PTBP3: variants seen among roughly 807,000 people sequenced by gnomAD.
PTBP3 encodes the protein polypyrimidine tract-binding protein 3.
Under a neutral mutation model 58.7 loss-of-function variants are expected in PTBP3, and 20 were observed. That is an observed-to-expected ratio of 0.34 (90% CI 0.24 to 0.50). The LOEUF is 0.50. Among genes scored for constraint, PTBP3 ranks in the 20% least tolerant of loss-of-function variants. The pLI is 0.98. For synonymous variants in PTBP3, 185 were observed against 219.8 expected (o/e 0.84, Z 1.40); for missense variants, 509 against 637.2 (o/e 0.80, Z 2.17).
chr9:112,232,553 A>G (rs1835286728), intron 8 of PTBP3, among the ~76,000 whole-genome samples: 2 of 152,156 alleles, frequency 1.3e-5, no homozygotes, highest in Non-Finnish European at 2.9e-5. Context: ...GTTTCTTACA[A>G]TAGATATATC....
chr9:112,228,402 C>T lies in PTBP3; in HGVS notation c.1125G>A (p.Ala375=), dbSNP rs149955115. The T allele has an allele frequency of 2.4e-5, 38 of 1,605,710 alleles. No homozygotes were observed. Among genetic ancestry groups the T allele is most frequent in the Middle Eastern group, 1.7e-4 (1 of 6,010 alleles). Residue 375 remains alanine, a synonymous_variant, in exon 11 of 14, where the codon GCG becomes GCA. Transcript: ENST00000374257. ...TACCTAGCTGAGCTTGATTTGCATC[C>T]GCCATCTGAACCAAGGCATTTTCTT... ...NKKENALVQM[A]DANQAQLAMN...
chr9:112,241,451 C>T (rs1835657607), intron 7 of PTBP3, among the ~76,000 whole-genome samples: 1 of 152,142 alleles, frequency 6.6e-6, no homozygotes, highest in African/African-American at 2.4e-5. Flanking sequence ...TACTTCCAGT[C>T]CTGCAACCTC....
chr9:112,301,178 C>T (rs1465910964), intron 1 of PTBP3, among the ~76,000 whole-genome samples: 4 of 151,874 alleles, frequency 2.6e-5, no homozygotes, highest in African/African-American at 9.7e-5. Flanking sequence ...AAAAGACAAC[C>T]CATTGGATTT....
At chr9:112,326,757 A>T (rs1475176816) in intron 1 of PTBP3, among the ~76,000 whole-genome samples, 1 of 152,268 alleles carries the variant, frequency 6.6e-6, no homozygotes, top group East Asian at 1.9e-4. Flanking sequence ...AGTTTAAAAT[A>T]AGCCAGCCAG....
the PTBP3 span, among the ~76,000 whole-genome samples, chr9:112,377,912 G>GTA: frequency 6.6e-6 from 1 of 152,152 alleles, no homozygotes; most frequent in Non-Finnish European, 1.5e-5. Flanking sequence ...CATATCTTGA[G>GTA]TATGTCTTTT....
intron 6 of PTBP3, among the ~76,000 whole-genome samples, chr9:112,251,307 C>G (rs1165063764): frequency 2.0e-5 from 3 of 152,114 alleles, no homozygotes; most frequent in Non-Finnish European, 4.4e-5. Flanking sequence ...CAGCTTTCAT[C>G]TGTAAAATAA....
Position 112,223,775 on chromosome 9 carries a change from T to G in PTBP3, c.*76A>C. On this transcript the variant is annotated 3_prime_UTR_variant, in exon 14 of 14. Transcript: ENST00000374257. ...TTTTGTGAAAGAGGCAAAATTGGTC[T>G]TGAGCTGCTTCAGTCTATGTCTGAA... The G allele has an allele frequency of 6.3e-7, 1 of 1,591,284 alleles. No homozygotes were observed. Among genetic ancestry groups the G allele is most frequent in the Non-Finnish European group, 8.6e-7 (1 of 1,169,006 alleles).
At chr9:112,272,969 A>G (rs942746631) in intron 3 of PTBP3, 1 of 152,222 alleles carries the variant, frequency 6.6e-6, no homozygotes, top group African/African-American at 2.4e-5. Context: ...AAATCAAACT[A>G]TTTGTTTTCA....
chr9:112,231,384 T>C lies in PTBP3; in HGVS notation c.1050A>G (p.Leu350=), dbSNP rs768203721. ...DLITPHGLFI[L]FGVYGDVHRV... is the part of the protein sequence containing the mutation. The stretch of plus-strand genomic sequence containing the variant: ...AAATAGCAAAAATGAACTTACCAAA[T>C]AGGATAAAAAGCCCATGTGGTGTGA... The change falls in exon 10 of 14, where the codon CTA becomes CTG. Residue 350 remains leucine, a synonymous_variant. Coordinates refer to ENST00000374257, the MANE Select transcript of PTBP3 (RefSeq NM_001163788.4). 1.9e-6 allele frequency: 3 copies of C among 1,590,738 alleles called. No individual in the cohort carries two copies. Among genetic ancestry groups the C allele is most frequent in the Admixed American group, 1.7e-5 (1 of 57,438 alleles).
chr9:112,304,556 T>C (rs1829083991), intron 1 of PTBP3, among the ~76,000 whole-genome samples: 1 of 152,324 alleles, frequency 6.6e-6, no homozygotes, highest in Admixed American at 6.5e-5. Context: ...ATGTTGTTAG[T>C]CTGTCATTAT....
intron 1 of PTBP3, among the ~76,000 whole-genome samples, chr9:112,311,875 G>A (rs1021491644): frequency 1.3e-5 from 2 of 152,202 alleles, no homozygotes; most frequent in Non-Finnish European, 2.9e-5. Flanking sequence ...CAGAGCCCAG[G>A]ACGTTGGAGG....
chr9:112,286,688 C>CA (rs1379667830), intron 2 of PTBP3, among the ~76,000 whole-genome samples: 9 of 151,852 alleles, frequency 5.9e-5, no homozygotes, highest in Admixed American at 1.3e-4. Context: ...TTTAAATTAA[C>CA]AAAAAAAGGA....
At chr9:112,339,330 T>C in the PTBP3 span, among the ~76,000 whole-genome samples, 167 of 143,446 alleles carry the variant, frequency 1.2e-3, no homozygotes, top group Non-Finnish European at 1.9e-3. Flanking sequence ...GCGTGAATCC[T>C]AAGGGGCTAA....
intron 1 of PTBP3, among the ~76,000 whole-genome samples, chr9:112,329,559 A>G (rs566497944): frequency 1.3e-5 from 2 of 152,372 alleles, no homozygotes; most frequent in South Asian, 2.1e-4. Flanking sequence ...ACAGCTAGGT[A>G]TAACGAAAAA....
At chr9:112,320,156 T>C (rs1587886921) in intron 1 of PTBP3, among the ~76,000 whole-genome samples, 4 of 151,456 alleles carry the variant, frequency 2.6e-5, no homozygotes, top group Admixed American at 2.6e-4. Context: ...ATGCACCCTA[T>C]AGGCCTAGCT....
the PTBP3 span, among the ~76,000 whole-genome samples, chr9:112,343,295 G>A: frequency 1.3e-5 from 2 of 150,602 alleles, no homozygotes; most frequent in Non-Finnish European, 2.9e-5. Flanking sequence ...TGCAGCCTCT[G>A]CCTCCCGGGT....
chr9:112,228,329 C>T (rs766430701), intron 11 of PTBP3, 51 bp downstream of exon 11: 5 of 1,360,300 alleles, frequency 3.7e-6, no homozygotes, highest in African/African-American at 1.5e-5. Flanking sequence ...AAAATTCACA[C>T]ACAAAAGGGG....
chr9:112,304,349 G>C (rs930650438), intron 1 of PTBP3, among the ~76,000 whole-genome samples: 1 of 152,048 alleles, frequency 6.6e-6, no homozygotes, highest in African/African-American at 2.4e-5. Context: ...AGAAAAAAAA[G>C]GAAAAATTTT....
At chr9:112,320,308 A>ATG (rs1333834175) in intron 1 of PTBP3, among the ~76,000 whole-genome samples, 1 of 52,570 alleles carries the variant, frequency 1.9e-5, no homozygotes, top group Non-Finnish European at 3.2e-5. Context: ...ATATATATAT[A>ATG]TATATATTTT....
Sources: allele counts gnomAD v4.1 joint callset (sites outside exome capture counted in the v4.1 genomes callset), GRCh38; gene constraint gnomAD v4.1.1; transcripts MANE v1.5; gene names NCBI Gene and HGNC (gene_info 2026-07-23, HGNC 2026-07-21).